Variants in NOP53 observed in about 807,000 individuals in gnomAD.
The protein encoded by NOP53 is NOP53 ribosome biogenesis factor.
A neutral mutation model predicts 61.0 loss-of-function variants in NOP53; 40 were observed. The ratio of observed to expected loss-of-function variants is 0.66; its 90% confidence interval spans 0.51 to 0.85. NOP53 has a LOEUF of 0.85. Among genes scored for constraint, NOP53 ranks in the 40% least tolerant of loss-of-function variants. The probability of loss-of-function intolerance (pLI) is 0.00; values close to 1 mark genes in which losing one functional copy is unlikely to be tolerated. For synonymous variants in NOP53, 308 were observed against 289.5 expected (o/e 1.06, Z -0.65); for missense variants, 689 against 652.9 (o/e 1.06, Z -0.60).
Position 47,755,512 on chromosome 19 carries a change from G to C in NOP53, c.1218G>C (p.Leu406=). 3 of 1,475,118 alleles carry C rather than the reference G, an allele frequency of 2.0e-6. No homozygotes were observed. Among genetic ancestry groups the C allele is most frequent in the Non-Finnish European group, 2.7e-6 (3 of 1,117,428 alleles). 91.4% of individuals were successfully genotyped at this position (1,475,118 alleles called of 1,614,324 possible). The change falls in exon 9 of 13, where the codon CTG becomes CTC. Residue 406 remains leucine, a synonymous_variant. Coordinates refer to ENST00000246802, the MANE Select transcript of NOP53 (RefSeq NM_015710.5). The part of the protein sequence containing the change: ...REAEADKPRR[L]GRLKYQAPDI... ...CTGAGGCTGACAAGCCCCGAAGGCT[G>C]GGGCGGCTCAAGTGAGAACCAGGCC...
At chr19:47,755,633 C>T (rs1385446582) in intron 9 of NOP53, 110 bp downstream of exon 9, 2 of 1,318,776 alleles carry the variant, frequency 1.5e-6, no homozygotes, top group African/African-American at 2.9e-5. Context: ...CATCGGGAGA[C>T]CACCTCTTCC....
intron 1 of NOP53, 104 bp from the exon 2 acceptor site, chr19:47,746,863 G>T: frequency 1.1e-6 from 1 of 897,074 alleles, no homozygotes; most frequent in South Asian, 1.4e-5. Flanking sequence ...GGAAGAGTCC[G>T]GTGGCGGGAC....
chr19:47,747,291 T>C (rs1967076340), intron 2 of NOP53, among the ~76,000 whole-genome samples: 1 of 152,114 alleles, frequency 6.6e-6, no homozygotes, highest in African/African-American at 2.4e-5. Flanking sequence ...ATGAATAAGT[T>C]AGAAACACAT....
At chr19:47,749,126 A>C (rs528883204) in intron 2 of NOP53, among the ~76,000 whole-genome samples, 2 of 151,050 alleles carry the variant, frequency 1.3e-5, no homozygotes, top group South Asian at 2.1e-4. Flanking sequence ...GCATCATTGC[A>C]CTCCGCTCCA....
At chr19:47,755,573 C>T (rs747912487) in intron 9 of NOP53, 50 bp downstream of exon 9, 25 of 1,444,730 alleles carry the variant, frequency 1.7e-5, no homozygotes. Flanking sequence ...GGGGCCGGGT[C>T]CCAGGTCCTG....
chr19:47,749,023 T>A (rs1372009122), intron 2 of NOP53, among the ~76,000 whole-genome samples: 1 of 151,548 alleles, frequency 6.6e-6, no homozygotes, highest in Admixed American at 6.6e-5. Flanking sequence ...TAGCCGAGCG[T>A]GGTGGCGCAT....
chr19:47,751,934 TC>T (rs1424737731), intron 5 of NOP53, among the ~76,000 whole-genome samples: 1 of 123,770 alleles, frequency 8.1e-6, no homozygotes, highest in Non-Finnish European at 1.7e-5. Context: ...AAACCCTGTC[TC>T]TACTAAAAAT....
chr19:47,755,591 C>T, intron 9 of NOP53, 68 bp downstream of exon 9: 1 of 1,430,808 alleles, frequency 7.0e-7, no homozygotes, highest in South Asian at 1.4e-5. Flanking sequence ...CTGACACCTT[C>T]CTGCCTTTGT....
chr19:47,746,850 C>T, intron 1 of NOP53, 117 bp from the exon 2 acceptor site: 4 of 813,348 alleles, frequency 4.9e-6, no homozygotes, highest in Admixed American at 4.3e-5. Context: ...GAAGCCTTAG[C>T]CTGGAAGAGT....
Position 47,751,025 on chromosome 19 carries a change from C to G in NOP53, c.516C>G (p.Leu172=), listed in dbSNP as rs530210313. The G allele has an allele frequency of 6.2e-6, 10 of 1,603,396 alleles. No homozygotes were observed. In the African/African-American group the frequency reaches 1.3e-4, roughly 21 times the overall value. Residue 172 remains leucine (L), a synonymous_variant, in exon 4 of 13, where the codon CTC becomes CTG. Coordinates refer to ENST00000246802, the MANE Select transcript of NOP53 (RefSeq NM_015710.5). ...PREVRRAQAR[L]LNPSATRAKP... ...AGGTGCGCAGGGCCCAGGCCCGGCTCCTCAACCCTTCTGCAACAAGGGCCA... is the reference window on the plus strand; with the variant it reads ...AGGTGCGCAGGGCCCAGGCCCGGCTGCTCAACCCTTCTGCAACAAGGGCCA...
Position 47,755,431 on chromosome 19 carries a change from CCT to C in NOP53, c.1138_1139del (p.Leu380GlufsTer19). ...TGCGCGGGATCAAGGCCCAGGTGGC[CCT>C]GAGGCTGGCGGAGCTGGCGCGGCGG... ...RLRGIKAQVA[L>X]RLAELARRQR... On this transcript the variant is annotated frameshift_variant, in exon 9 of 13. Coordinates refer to ENST00000246802, the MANE Select transcript of NOP53 (RefSeq NM_015710.5). LOFTEE classifies it high-confidence loss of function. 6.5e-7 allele frequency: 1 copy of C among 1,530,084 alleles called. No individual in the cohort carries two copies. Among genetic ancestry groups the C allele is most frequent in the Non-Finnish European group, 8.8e-7 (1 of 1,141,872 alleles). The allele number at this position is 1,530,084 out of a possible 1,614,324, so 94.8% of individuals were successfully genotyped here. A position where few individuals can be genotyped will look rare whatever the true frequency, so the allele number is the denominator to read the frequency against.
chr19:47,746,039 GAAT>G (rs1967059103), intron 1 of NOP53: 1 of 500,408 alleles, frequency 2.0e-6, no homozygotes, highest in Non-Finnish European at 3.5e-6. Context: ...GGTAAACAAT[GAAT>G]AATTTTTAGC....
At chr19:47,755,311 C>A (rs758426105) in intron 8 of NOP53, 37 bp from the exon 9 acceptor site, 1 of 1,377,700 alleles carries the variant, frequency 7.3e-7, no homozygotes, top group Non-Finnish European at 9.5e-7. Flanking sequence ...GTGTGGGCAG[C>A]ACCGGCCTGA....
At chr19:47,746,144 A>ATG (rs543782020) in intron 1 of NOP53, 2 of 226,366 alleles carry the variant, frequency 8.8e-6, no homozygotes, top group Non-Finnish European at 1.8e-5. Flanking sequence ...ATATGTGTAT[A>ATG]TGTGTGTATA....
chr19:47,754,268 A>T lies in NOP53; in HGVS notation c.766-259A>T, dbSNP rs1967159026. 1 of 468,492 alleles carries T rather than the reference A, an allele frequency of 2.1e-6. No homozygotes were observed. The allele number at this position is 468,492 out of a possible 1,614,324, so 29.0% of individuals were successfully genotyped here. A position where few individuals can be genotyped will look rare whatever the true frequency, so the allele number is the denominator to read the frequency against. On this transcript the variant is annotated intron_variant, in intron 6 of 12. Transcript: ENST00000246802. This position sits in a 1 kb window ranked among gnomAD's most constrained non-coding sequence, Gnocchi z 4.2. ...CTCCAGTCTGGGCAACAAGACAGAA[A>T]CTCTATCTCAAAAAAAAAATGTGAA...
In NOP53 at chr19:47,754,520, C is replaced by T. The variant is rs533958668; in HGVS notation, c.766-7C>T. 9.2e-5 allele frequency: 142 copies of T among 1,545,756 alleles called. 2 individuals are homozygous for T. In the South Asian group the frequency reaches 1.5e-3, roughly 17 times the overall value. ...TTCAGGGACCCATCCTCACTCCCGC[C>T]CCTCAGACCCTGCTCTCAGCGGCCC... On this transcript the variant is annotated splice_polypyrimidine_tract_variant and splice_region_variant and intron_variant, in intron 6 of 12. Transcript: ENST00000246802. The surrounding 1 kb of genome is among the most constrained non-coding windows in gnomAD (Gnocchi z 4.2).
rs778975346 is a variant in NOP53, at chr19:47,756,986, CCT to C, written c.1431-10_1431-9del. On this transcript the variant is annotated splice_polypyrimidine_tract_variant and intron_variant, in intron 12 of 12. Coordinates refer to ENST00000246802, the MANE Select transcript of NOP53 (RefSeq NM_015710.5). ...CCTCTCACCCACCCTCAGCTCCTTT[CCT>C]CTGTCCCCAGGTTGTAGCTGCCATC... 6.2e-7 allele frequency: 1 copy of C among 1,614,136 alleles called. No individual in the cohort carries two copies. Among genetic ancestry groups the C allele is most frequent in the East Asian group, 2.2e-5 (1 of 44,874 alleles).
rs764675003 is a variant in NOP53, at chr19:47,755,818, T to G, written c.1292T>G (p.Leu431Arg). The G allele has an allele frequency of 1.7e-5, 28 of 1,607,426 alleles. No individual in the cohort carries two copies. The highest frequency in any genetic ancestry group is 3.3e-5 in the South Asian group (3 of 89,782). Reference protein sequence around the residue: ...SSELTDSLRTLKPEGNILRDR... With the variant: ...SSELTDSLRTRKPEGNILRDR... ...GAGCTGACAGACTCGCTCAGGACCCTGAAGGTGCTCACTGTGTCCTGCCGT... is the reference window on the plus strand; with the variant it reads ...GAGCTGACAGACTCGCTCAGGACCCGGAAGGTGCTCACTGTGTCCTGCCGT... Residue 431 changes from leucine to arginine, a missense_variant, in exon 10 of 13, where the codon CTG becomes CGG. Leu to Arg is a moderately radical substitution (Grantham distance 102). Coordinates refer to ENST00000246802, the MANE Select transcript of NOP53 (RefSeq NM_015710.5).
At chr19:47,746,861 C>T in intron 1 of NOP53, 106 bp from the exon 2 acceptor site, 2 of 885,088 alleles carry the variant, frequency 2.3e-6, no homozygotes, top group Non-Finnish European at 3.7e-6. Context: ...CTGGAAGAGT[C>T]CGGTGGCGGG....
Sources: allele counts gnomAD v4.1 joint callset (sites outside exome capture counted in the v4.1 genomes callset), GRCh38; gene constraint gnomAD v4.1.1; non-coding constraint Gnocchi (gnomAD v3.1); transcripts MANE v1.5; gene names NCBI Gene and HGNC (gene_info 2026-07-23, HGNC 2026-07-21).